TPTE2: variants seen among roughly 807,000 people sequenced by gnomAD.
TPTE2 encodes the protein transmembrane phosphoinositide 3-phosphatase and tensin homolog 2.
In TPTE2, 53 loss-of-function variants were observed where a neutral mutation model predicts 78.6. That is an observed-to-expected ratio of 0.67 (90% CI 0.54 to 0.85). The LOEUF is 0.85. TPTE2 is among the 40% of genes least tolerant of loss of function. TPTE2 has a pLI of 0.00. For missense variants in TPTE2, 461 were observed against 623.0 expected (o/e 0.74, Z 2.77); for synonymous variants, 175 against 206.2 (o/e 0.85, Z 1.30).
chr13:19,433,103 A>C (rs947133556), intron 15 of TPTE2, among the ~76,000 whole-genome samples: 21 of 152,264 alleles, frequency 1.4e-4, no homozygotes, highest in African/African-American at 5.1e-4. Context: ...GAGGCCCTGG[A>C]ATTCTCTCAG....
At chr13:19,540,235 A>G (rs1026042536), upstream of TPTE2, among the ~76,000 whole-genome samples, 7 of 151,760 alleles carry the variant, frequency 4.6e-5, no homozygotes, top group East Asian at 1.9e-4. Flanking sequence ...CATCTTCATG[A>G]TATTGAGTCT....
At chr13:19,493,628 A>G (rs1258405545) in intron 1 of TPTE2, 127 bp from the exon 5 acceptor site, 3 of 842,828 alleles carry the variant, frequency 3.6e-6, no homozygotes, top group Non-Finnish European at 6.1e-6. Context: ...ATACAGCACT[A>G]TTGGAACCTG....
intron 3 of TPTE2, among the ~76,000 whole-genome samples, chr13:19,484,813 G>A (rs182618657): frequency 5.3e-5 from 8 of 152,066 alleles, no homozygotes; most frequent in Non-Finnish European, 4.4e-5. Flanking sequence ...GCTCACTTTT[G>A]GCTTCCATTT....
chr13:19,430,162 A>G (rs1196700990), intron 17 of TPTE2, among the ~76,000 whole-genome samples: 5 of 152,234 alleles, frequency 3.3e-5, no homozygotes, highest in African/African-American at 1.2e-4. Flanking sequence ...AAATGACCAG[A>G]TATGTAAATT....
chr13:19,558,126 A>G, the TPTE2 span, among the ~76,000 whole-genome samples: 1 of 152,236 alleles, frequency 6.6e-6, no homozygotes, highest in African/African-American at 2.4e-5. Context: ...AAGTGTTGCT[A>G]TATAAGTAAT....
chr13:19,531,317 A>C (rs929840474), intron 1 of TPTE2, among the ~76,000 whole-genome samples: 2 of 151,974 alleles, frequency 1.3e-5, no homozygotes, highest in African/African-American at 2.4e-5. Context: ...TTCTGCAGCA[A>C]TTTACATCTT....
intron 10 of TPTE2, among the ~76,000 whole-genome samples, chr13:19,453,358 T>G (rs1251236370): frequency 2.0e-5 from 3 of 151,906 alleles, no homozygotes; most frequent in Non-Finnish European, 2.9e-5. Context: ...CAAGTAAATA[T>G]CTCACACTGG....
At chr13:19,464,760 C>T (rs1169241158) in intron 9 of TPTE2, among the ~76,000 whole-genome samples, 1 of 152,240 alleles carries the variant, frequency 6.6e-6, no homozygotes, top group South Asian at 2.1e-4. Flanking sequence ...ATGCCATGTA[C>T]TTATGATGGC....
intron 1 of TPTE2, among the ~76,000 whole-genome samples, chr13:19,527,710 CA>C (rs199828243): frequency 2.4e-4 from 37 of 151,920 alleles, no homozygotes; most frequent in African/African-American, 7.7e-4. Context: ...CCCATCTCAA[CA>C]AAAAAAATTA....
chr13:19,462,064 T>C (rs1190084837), intron 10 of TPTE2, among the ~76,000 whole-genome samples: 4 of 151,514 alleles, frequency 2.6e-5, no homozygotes, highest in Non-Finnish European at 5.9e-5. Flanking sequence ...CATTTTTTTC[T>C]GGTTGTTTTG....
rs575471451 is a variant in TPTE2, at chr13:19,480,235, T to C, written c.179+2253A>G. Among the ~76,000 whole-genome samples, 84 of 152,240 alleles carry C rather than the reference T, an allele frequency of 5.5e-4. 1 individual carries two copies. The highest frequency in any genetic ancestry group is 1.0e-3 in the Admixed American group (16 of 15,286). On this transcript the variant is annotated intron_variant, in intron 4 of 19. Transcript: ENST00000400230. ...AGGGAGGTGGCCATGATGTAAAGCA[T>C]GAAAAACACTGTAGTGACTCTGGTC...
At chr13:19,469,591 T>C (rs1335270783) in intron 6 of TPTE2, among the ~76,000 whole-genome samples, 2 of 152,188 alleles carry the variant, frequency 1.3e-5, no homozygotes, top group African/African-American at 2.4e-5. Context: ...AAGGAGTGCA[T>C]TGAATCTGTA....
At chr13:19,479,265 T>C (rs903780213) in intron 4 of TPTE2, among the ~76,000 whole-genome samples, 1 of 152,222 alleles carries the variant, frequency 6.6e-6, no homozygotes, top group African/African-American at 2.4e-5. Context: ...TAGGCATTCT[T>C]ACACTAGGAT....
chr13:19,560,585 G>A, the TPTE2 span: 3 of 1,600,324 alleles, frequency 1.9e-6, no homozygotes, highest in South Asian at 1.1e-5. Flanking sequence ...ACGATCTCTC[G>A]GTCAAAGAGG....
chr13:19,472,081 T>G (rs1430411921), intron 6 of TPTE2, among the ~76,000 whole-genome samples: 2 of 152,212 alleles, frequency 1.3e-5, no homozygotes, highest in African/African-American at 2.4e-5. Flanking sequence ...TCTTTTCTCT[T>G]GCTGCTTTTA....
chr13:19,437,678 G>GT (rs1477831824), intron 14 of TPTE2, among the ~76,000 whole-genome samples: 1 of 152,018 alleles, frequency 6.6e-6, no homozygotes, highest in Admixed American at 6.6e-5. Flanking sequence ...ATTACTGAAT[G>GT]TTTTTTTCTG....
At chr13:19,530,183 C>T (rs1470246934) in intron 1 of TPTE2, among the ~76,000 whole-genome samples, 1 of 152,180 alleles carries the variant, frequency 6.6e-6, no homozygotes, top group Non-Finnish European at 1.5e-5. Context: ...GTGCTGGCTG[C>T]ACCACTTAGC....
At position 19,438,669 on chromosome 13, in the gene TPTE2, G is replaced by T. The variant is rs542611603; in HGVS notation, c.974-516C>A. ...GTGCCATTTCTCTTAAGGATGCAAG[G>T]ATGTTTTTTCCAAGATGGCAGATTA... On this transcript the variant is annotated intron_variant, in intron 13 of 19. Transcript: ENST00000400230. Among the ~76,000 whole-genome samples the T allele has an allele frequency of 2.8e-3, 432 of 152,252 alleles. 3 individuals carry two copies. The highest frequency in any genetic ancestry group is 0.01 in the African/African-American group (416 of 41,554).
chr13:19,560,459 G>T, the TPTE2 span: 2 of 1,605,988 alleles, frequency 1.2e-6, no homozygotes, highest in Middle Eastern at 2.2e-4. Flanking sequence ...GGCAGTGAGC[G>T]CTGGGCCACA....
Sources: gnomAD v4.1 joint callset for allele counts (sites outside exome capture counted in the v4.1 genomes callset) on GRCh38, gnomAD v4.1.1 for gene constraint, MANE v1.5 for transcripts, NCBI Gene and HGNC (gene_info 2026-07-23, HGNC 2026-07-21) for gene names.